The following ZNF678 variants were observed in gnomAD, a reference collection of about 807,000 sequenced individuals.
ZNF678 encodes hypothetical protein MGC42493.
A neutral mutation model predicts 3.0 loss-of-function variants in ZNF678; 5 were observed. The observed-to-expected ratio is 1.69, with a 90% CI of 0.88 to 3.56. The LOEUF (loss-of-function observed/expected upper bound fraction) is 3.56, where lower values mean the gene tolerates loss of function less well. ZNF678 is among the 30% of genes most tolerant of loss of function. ZNF678 has a pLI of 0.00. For synonymous variants in ZNF678, 218 were observed against 199.6 expected, an observed-to-expected ratio of 1.09 and a Z score of -0.78; for missense variants, 593 against 605.0, an observed-to-expected ratio of 0.98 and a Z score of 0.21.
rs1232843172 is a variant in ZNF678 at position 227,654,862 on chromosome 1, T to C, written c.612T>C (p.Ser204=). ...SQLTSHKKIH[S]GEKPYPCEEC... ...TAACTAGCCATAAGAAAATTCATAG[T>C]GGAGAGAAACCATACCCATGTGAAG... is the stretch of plus-strand genomic sequence containing the variant. The change falls in exon 4 of 4, where the codon AGT becomes AGC. Residue 204 remains serine (S), a synonymous_variant. Coordinates refer to ENST00000343776, the MANE Select transcript of ZNF678 (RefSeq NM_001367909.1). 1 of 1,608,922 alleles carries C rather than the reference T, an allele frequency of 6.2e-7. No homozygotes were observed. The highest frequency in any genetic ancestry group is 1.1e-5 in the South Asian group (1 of 90,900).
At chr1:227,634,849 C>T (rs1046056552) in intron 1 of ZNF678, among the ~76,000 whole-genome samples, 1 of 152,158 alleles carries the variant, frequency 6.6e-6, no homozygotes. Flanking sequence ...AATTTTAGAA[C>T]CCCAGGGCTT....
In ZNF678 at chr1:227,657,333, A is replaced by G. The variant is rs1659276232; in HGVS notation, c.*1505A>G. ...AAGCAGATGTTGATGTCATGCTTGT[A>G]TAGCCAACAGAACTGAGGCTAATAA... On this transcript the variant is annotated 3_prime_UTR_variant, in exon 4 of 4. Coordinates refer to ENST00000343776, the MANE Select transcript of ZNF678 (RefSeq NM_001367909.1). 6.6e-6 allele frequency: 1 copy of G among 152,014 alleles called. No homozygotes were observed. The highest frequency in any genetic ancestry group is 2.1e-4 in the South Asian group (1 of 4,832). 9.4% of individuals were successfully genotyped at this position (152,014 alleles called of 1,614,324 possible). A position where few individuals can be genotyped will look rare whatever the true frequency, so the allele number is the denominator to read the frequency against.
chr1:227,642,966 G>C (rs1658859614), intron 1 of ZNF678, among the ~76,000 whole-genome samples: 1 of 145,392 alleles, frequency 6.9e-6, no homozygotes, highest in Admixed American at 6.9e-5. Context: ...AGCTGTCATG[G>C]CTCCATCATC....
Position 227,646,620 on chromosome 1 carries a change from A to G in ZNF678, c.-87A>G. The G allele has an allele frequency of 2.2e-6, 3 of 1,372,506 alleles. 1 individual carries two copies. Among genetic ancestry groups the G allele is most frequent in the Non-Finnish European group, 2.9e-6 (3 of 1,024,762 alleles). The allele number at this position is 1,372,506 out of a possible 1,614,324, so 85.0% of individuals were successfully genotyped here. ...GCATGCCTGGACCCTGCCCAGCGAA[A>G]TTTGTATAGGGATGTGATGTTCGAG... On this transcript the variant is annotated 5_prime_UTR_variant, in exon 2 of 4. Transcript: ENST00000343776.
At chr1:227,608,558 C>G (rs1362442829) in intron 1 of ZNF678, among the ~76,000 whole-genome samples, 1 of 152,044 alleles carries the variant, frequency 6.6e-6, no homozygotes, top group African/African-American at 2.4e-5. Flanking sequence ...ATATATGGTA[C>G]ACTGTTGGGT....
chr1:227,634,939 T>G (rs147788930), intron 1 of ZNF678, among the ~76,000 whole-genome samples: 103 of 152,278 alleles, frequency 6.8e-4, no homozygotes, highest in African/African-American at 2.4e-3. Context: ...TGGCTTCATG[T>G]CTGATCCACT....
intron 5 of ZNF678, among the ~76,000 whole-genome samples, chr1:227,673,056 C>A (rs1659626708): frequency 6.6e-6 from 1 of 152,134 alleles, no homozygotes; most frequent in South Asian, 2.1e-4. Flanking sequence ...CATAAATGGA[C>A]CCTGGCCCTC....
chr1:227,617,401 G>C (rs1658167336), intron 1 of ZNF678, among the ~76,000 whole-genome samples: 1 of 152,180 alleles, frequency 6.6e-6, no homozygotes, highest in Admixed American at 6.5e-5. Context: ...CTCTCTCCAA[G>C]GCAGTACCTA....
chr1:227,607,643 C>T (rs899517438), intron 1 of ZNF678, among the ~76,000 whole-genome samples: 4 of 149,656 alleles, frequency 2.7e-5, no homozygotes, highest in East Asian at 2.0e-4. Flanking sequence ...CTTACATGTA[C>T]GTCTTAAATA....
rs1659400668 is a variant in ZNF678 at position 227,661,324 on chromosome 1, A to G, written c.*5496A>G. On this transcript the variant is annotated 3_prime_UTR_variant, in exon 4 of 4. Coordinates refer to ENST00000343776, the MANE Select transcript of ZNF678 (RefSeq NM_001367909.1). ...TTTGTTGTTGTTGTTGTTGTTGTTT[A>G]CCAGCAGGGGACCCCTGTTTTGTCT... 3 of 151,582 alleles carry G rather than the reference A, an allele frequency of 2.0e-5. No individual in the cohort carries two copies. Among genetic ancestry groups the G allele is most frequent in the Non-Finnish European group, 4.4e-5 (3 of 67,920 alleles). 9.4% of individuals were successfully genotyped at this position (151,582 alleles called of 1,614,324 possible). A position where few individuals can be genotyped will look rare whatever the true frequency, so the allele number is the denominator to read the frequency against.
chr1:227,572,202 A>G (rs79202381), intron 1 of ZNF678, among the ~76,000 whole-genome samples: 3,957 of 96,342 alleles, frequency 0.041, no homozygotes, highest in African/African-American at 0.049. Context: ...CATTCTAAAG[A>G]AAGGACAGCC....
intron 1 of ZNF678, among the ~76,000 whole-genome samples, chr1:227,618,741 T>G (rs6675470): frequency 0.011 from 1,629 of 152,290 alleles, 31 homozygotes; most frequent in African/African-American, 0.038. Context: ...GTTTTTGTTT[T>G]TTTGTTTGTT....
intron 1 of ZNF678, among the ~76,000 whole-genome samples, chr1:227,611,798 T>C (rs925963392): frequency 5.9e-5 from 9 of 152,206 alleles, no homozygotes; most frequent in African/African-American, 2.2e-4. Context: ...TAGTTCTGTC[T>C]GAGACCAAGA....
chr1:227,666,708 C>T (rs950662784), downstream of ZNF678, among the ~76,000 whole-genome samples: 9 of 151,002 alleles, frequency 6.0e-5, no homozygotes, highest in South Asian at 4.2e-4. Context: ...AAAGGGTCCA[C>T]GCTCTCTCCT....
intron 3 of ZNF678, among the ~76,000 whole-genome samples, chr1:227,651,469 G>T (rs1453506882): frequency 2.0e-5 from 3 of 152,172 alleles, no homozygotes; most frequent in Non-Finnish European, 4.4e-5. Context: ...CTGCAGTTCT[G>T]CATCTATGGC....
chr1:227,588,180 GC>G (rs1657311866), intron 1 of ZNF678, among the ~76,000 whole-genome samples: 2 of 152,154 alleles, frequency 1.3e-5, no homozygotes, highest in African/African-American at 4.8e-5. Flanking sequence ...TTTTATGGCT[GC>G]ATAGTATTCC....
At chr1:227,645,821 A>G (rs901372041) in intron 1 of ZNF678, among the ~76,000 whole-genome samples, 4 of 152,158 alleles carry the variant, frequency 2.6e-5, no homozygotes, top group African/African-American at 9.7e-5. Flanking sequence ...AGTTGATGTT[A>G]ATTTTATTCA....
At chr1:227,675,615 CTG>C (rs1475584687) in intron 5 of ZNF678, among the ~76,000 whole-genome samples, 2 of 151,978 alleles carry the variant, frequency 1.3e-5, no homozygotes, top group Non-Finnish European at 2.9e-5. Context: ...TTCCTGATGA[CTG>C]TGAACATTCA....
intron 1 of ZNF678, among the ~76,000 whole-genome samples, chr1:227,566,100 T>A (rs1558126142): frequency 6.6e-6 from 1 of 152,198 alleles, no homozygotes; most frequent in African/African-American, 2.4e-5. Context: ...TTCAGAATTG[T>A]CTGGGAATGG....
Sources: allele counts gnomAD v4.1 joint callset (sites outside exome capture counted in the v4.1 genomes callset), GRCh38; gene constraint gnomAD v4.1.1; transcripts MANE v1.5; gene names NCBI Gene and HGNC (gene_info 2026-07-23, HGNC 2026-07-21).